KDM4C: variants seen among roughly 807,000 people sequenced by gnomAD.
KDM4C encodes lysine-specific demethylase 4C.
Under a neutral mutation model 129.3 loss-of-function variants are expected in KDM4C, and 81 were observed. That is an observed-to-expected ratio of 0.63 (90% CI 0.52 to 0.75). The LOEUF (loss-of-function observed/expected upper bound fraction) is 0.75. Ranked by LOEUF, KDM4C falls within the 30% of genes least tolerant of loss-of-function variation. The pLI is 0.00. For synonymous variants in KDM4C, 573 were observed against 456.1 expected (o/e 1.26, Z -3.26); for missense variants, 1,457 against 1,304.0 (o/e 1.12, Z -1.81).
At chr9:6,771,195 T>C (rs949656125) in intron 1 of KDM4C, among the ~76,000 whole-genome samples, 1 of 148,572 alleles carries the variant, frequency 6.7e-6, no homozygotes, top group African/African-American at 2.5e-5. Context: ...CCCCCCAAAG[T>C]GCTAGGATTA....
intron 4 of KDM4C, among the ~76,000 whole-genome samples, chr9:6,842,378 A>T (rs533786086): frequency 7.5e-6 from 1 of 133,926 alleles, no homozygotes; most frequent in East Asian, 2.2e-4. Context: ...ATGCAGTGGC[A>T]TGCGATCATG....
In KDM4C at chr9:6,932,986, G is replaced by GT. The variant is rs1824042316; in HGVS notation, c.921+39757dup. Among the ~76,000 whole-genome samples, 6 of 151,912 alleles carry GT rather than the reference G, an allele frequency of 3.9e-5. No homozygotes were observed. In the South Asian group the frequency reaches 1.2e-3, roughly 32 times the overall value. On this transcript the variant is annotated intron_variant, in intron 8 of 21. Coordinates refer to ENST00000381309, the MANE Select transcript of KDM4C (RefSeq NM_015061.6). ...TGTAGAGCTAATTTAAGAAAAAGCT[G>GT]TTTATCTTATTGCTGCTTTTTAGGT...
Position 6,814,707 on chromosome 9 carries a change from A to C in KDM4C, c.397A>C (p.Ile133Leu). Residue 133 changes from isoleucine to leucine, a missense_variant, in exon 4 of 22, where the codon ATC (isoleucine) becomes CTC (leucine). Coordinates refer to ENST00000381309, the MANE Select transcript of KDM4C (RefSeq NM_015061.6). Reference protein sequence around the residue: ...YWKNLTFVAPIYGADINGSIY... With the variant: ...YWKNLTFVAPLYGADINGSIY... Reference sequence around the variant, plus strand: ...GAAGAACTTAACTTTTGTGGCACCTATCTATGGTGCAGATATTAATGGGAG... The same window carrying C: ...GAAGAACTTAACTTTTGTGGCACCTCTCTATGGTGCAGATATTAATGGGAG... 6.2e-7 allele frequency: 1 copy of C among 1,610,264 alleles called. No homozygotes were observed. The highest frequency in any genetic ancestry group is 8.5e-7 in the Non-Finnish European group (1 of 1,177,292).
intron 17 of KDM4C, among the ~76,000 whole-genome samples, chr9:7,057,018 G>C (rs966946391): frequency 4.6e-5 from 7 of 152,162 alleles, no homozygotes; most frequent in African/African-American, 1.7e-4. Flanking sequence ...AGAGGTTATA[G>C]TTTTGGAAAG....
intron 17 of KDM4C, chr9:7,076,286 G>T: frequency 1.8e-6 from 1 of 570,126 alleles, no homozygotes; most frequent in South Asian, 2.6e-5. Flanking sequence ...AAACATAAAT[G>T]GTAAACAGTT....
intron 1 of KDM4C, among the ~76,000 whole-genome samples, chr9:6,778,806 A>T (rs1823661017): frequency 8.1e-6 from 1 of 124,134 alleles, no homozygotes; most frequent in East Asian, 2.2e-4. Flanking sequence ...CTAGGTGGAG[A>T]TTTGGTGCCT....
At chr9:6,964,452 A>G (rs199676403) in intron 8 of KDM4C, among the ~76,000 whole-genome samples, 15 of 152,130 alleles carry the variant, frequency 9.9e-5, no homozygotes, top group South Asian at 2.1e-4. Flanking sequence ...AGTATTCCAT[A>G]GTGTATATGT....
At chr9:6,934,003 C>G (rs1339320864) in intron 8 of KDM4C, among the ~76,000 whole-genome samples, 1 of 152,012 alleles carries the variant, frequency 6.6e-6, no homozygotes, top group Non-Finnish European at 1.5e-5. Flanking sequence ...GTGTGCCCCA[C>G]CAAGCCTGGC....
intron 15 of KDM4C, among the ~76,000 whole-genome samples, chr9:7,020,654 T>C (rs1364645013): frequency 6.6e-6 from 1 of 152,150 alleles, no homozygotes; most frequent in Non-Finnish European, 1.5e-5. Context: ...CTCACTACTT[T>C]TTAAAAAATA....
intron 8 of KDM4C, among the ~76,000 whole-genome samples, chr9:6,948,879 C>T (rs1468940296): frequency 6.6e-6 from 1 of 152,174 alleles, no homozygotes; most frequent in African/African-American, 2.4e-5. Context: ...CCTATGTCTA[C>T]TTCTTTCTAC....
At chr9:6,831,863 G>A (rs1834891571) in intron 4 of KDM4C, among the ~76,000 whole-genome samples, 1 of 152,158 alleles carries the variant, frequency 6.6e-6, no homozygotes, top group African/African-American at 2.4e-5. Flanking sequence ...ATCCTTAGCT[G>A]CAAGAGAAGC....
At chr9:7,174,443 G>C in intron 21 of KDM4C, 110 bp from the exon 22 acceptor site, 1 of 987,806 alleles carries the variant, frequency 1.0e-6, no homozygotes, top group South Asian at 1.5e-5. Flanking sequence ...GCCTGAGCTG[G>C]TGACCTGGGC....
intron 5 of KDM4C, among the ~76,000 whole-genome samples, chr9:6,862,733 G>A (rs896484771): frequency 3.9e-5 from 6 of 152,132 alleles, no homozygotes; most frequent in African/African-American, 1.4e-4. Flanking sequence ...CTTGATCCCG[G>A]GAGGAGGAGG....
chr9:7,023,263 G>C (rs1285083368), intron 15 of KDM4C, among the ~76,000 whole-genome samples: 1 of 152,082 alleles, frequency 6.6e-6, no homozygotes, highest in Non-Finnish European at 1.5e-5. Context: ...AAGCCATTGG[G>C]TCCTAGGCTT....
upstream of KDM4C, among the ~76,000 whole-genome samples, chr9:6,756,876 G>C (rs1054411645): frequency 6.6e-6 from 1 of 152,080 alleles, no homozygotes; most frequent in East Asian, 1.9e-4. Context: ...CGTGGTAAGC[G>C]GTGTCGATAT....
intron 5 of KDM4C, among the ~76,000 whole-genome samples, chr9:6,874,979 G>T (rs1008849967): frequency 2.6e-5 from 4 of 151,852 alleles, no homozygotes; most frequent in Non-Finnish European, 4.4e-5. Flanking sequence ...AGACATTTAG[G>T]TCTTGGGAGT....
At chr9:6,845,454 A>T (rs1320788937) in intron 4 of KDM4C, among the ~76,000 whole-genome samples, 1 of 152,046 alleles carries the variant, frequency 6.6e-6, no homozygotes, top group Admixed American at 6.6e-5. Context: ...GCCTCAAGTG[A>T]TTCTCCTTCC....
intron 8 of KDM4C, among the ~76,000 whole-genome samples, chr9:6,940,526 T>C (rs2131388853): frequency 6.6e-6 from 1 of 152,346 alleles, no homozygotes; most frequent in African/African-American, 2.4e-5. Flanking sequence ...TTAATAACAG[T>C]GCAAATTGCT....
intron 8 of KDM4C, among the ~76,000 whole-genome samples, chr9:6,900,304 C>CA (rs1437215430): frequency 6.6e-6 from 1 of 152,184 alleles, no homozygotes; most frequent in Non-Finnish European, 1.5e-5. Flanking sequence ...CTTCTGGACT[C>CA]ATTTTTCTAG....
Sources: allele counts gnomAD v4.1 joint callset (sites outside exome capture counted in the v4.1 genomes callset), GRCh38; gene constraint gnomAD v4.1.1; transcripts MANE v1.5; gene names NCBI Gene and HGNC (gene_info 2026-07-23, HGNC 2026-07-21).